The following CACNA1D variants were observed in gnomAD, a reference collection of about 807,000 sequenced individuals.
CACNA1D encodes the protein voltage-dependent L-type calcium channel subunit alpha-1D.
CACNA1D carries 55 observed loss-of-function variants against 257.1 expected under a neutral mutation model. That is an observed-to-expected ratio of 0.21 (90% CI 0.17 to 0.27). CACNA1D has a LOEUF of 0.27. Ranked by LOEUF, CACNA1D falls within the 10% of genes least tolerant of loss-of-function variation. The pLI is 1.00. For synonymous variants in CACNA1D, 980 were observed against 1,014.9 expected, an observed-to-expected ratio of 0.97 and a Z score of 0.65; for missense variants, 1,876 against 2,784.0, an observed-to-expected ratio of 0.67 and a Z score of 7.34.
intron 8 of CACNA1D, among the ~76,000 whole-genome samples, chr3:53,681,336 G>T (rs569209635): frequency 6.6e-6 from 1 of 152,340 alleles, no homozygotes; most frequent in South Asian, 2.1e-4. Flanking sequence ...TTGTTCCACA[G>T]CTCTCTGGAA....
intron 46 of CACNA1D, chr3:53,809,473 G>A (rs2095584852): frequency 4.7e-6 from 1 of 210,874 alleles, no homozygotes; most frequent in South Asian, 8.9e-5. Flanking sequence ...TGAACCCCAA[G>A]GTGCATCTGC....
chr3:53,524,286 A>G (rs2091683139), intron 3 of CACNA1D, among the ~76,000 whole-genome samples: 1 of 152,204 alleles, frequency 6.6e-6, no homozygotes, highest in South Asian at 2.1e-4. Context: ...CAGAGCAGGG[A>G]GAGGGCAAGC....
At chr3:53,513,323 CATT>C (rs2091197648) in intron 3 of CACNA1D, among the ~76,000 whole-genome samples, 1 of 152,192 alleles carries the variant, frequency 6.6e-6, no homozygotes, top group Non-Finnish European at 1.5e-5. Context: ...GCCTTTGTAA[CATT>C]GTAGCACAAT....
chr3:53,653,028 A>G (rs2094113136), intron 4 of CACNA1D, among the ~76,000 whole-genome samples: 1 of 152,178 alleles, frequency 6.6e-6, no homozygotes, highest in Non-Finnish European at 1.5e-5. Context: ...AGGTGGGTGG[A>G]TCACCTGAGG....
chr3:53,639,749 T>C (rs2093928287), intron 3 of CACNA1D, among the ~76,000 whole-genome samples: 1 of 152,138 alleles, frequency 6.6e-6, no homozygotes, highest in Admixed American at 6.5e-5. Context: ...AAAGCTTTTC[T>C]TTATCTCTGT....
intron 7 of CACNA1D, among the ~76,000 whole-genome samples, chr3:53,671,636 T>C (rs1250926662): frequency 6.6e-6 from 1 of 152,252 alleles, no homozygotes; most frequent in East Asian, 1.9e-4. Context: ...CAGACTGATA[T>C]GAGTTCTATT....
rs1196149559 is a variant in CACNA1D at position 53,808,523 on chromosome 3, T to G, written c.5750-126T>G. On this transcript the variant is annotated intron_variant, in intron 45 of 47. Coordinates refer to ENST00000350061, the MANE Select transcript of CACNA1D (RefSeq NM_001128840.3). ...TGGAGACCTCACTACCTAATCTTTC[T>G]CTTGGACAAACCGCATGCTTCTTCC... 8.5e-6 allele frequency: 10 copies of G among 1,176,004 alleles called. No individual in the cohort carries two copies. The South Asian group carries it at 1.1e-4, about 13-fold the overall frequency. The allele number at this position is 1,176,004 out of a possible 1,614,324, so 72.8% of individuals were successfully genotyped here. A position where few individuals can be genotyped will look rare whatever the true frequency, so the allele number is the denominator to read the frequency against.
At chr3:53,674,492 C>T (rs539956686) in intron 8 of CACNA1D, among the ~76,000 whole-genome samples, 28 of 152,314 alleles carry the variant, frequency 1.8e-4, no homozygotes, top group Middle Eastern at 3.4e-3. Context: ...CATTCAGTCA[C>T]GATTTTTGAA....
chr3:53,670,609 T>C (rs2094313428), intron 7 of CACNA1D, among the ~76,000 whole-genome samples: 1 of 152,188 alleles, frequency 6.6e-6, no homozygotes, highest in Non-Finnish European at 1.5e-5. Flanking sequence ...CCTCCCAAAG[T>C]GTTGGGATTG....
At chr3:53,703,700 G>C (rs987519666) in intron 9 of CACNA1D, among the ~76,000 whole-genome samples, 1 of 152,226 alleles carries the variant, frequency 6.6e-6, no homozygotes, top group African/African-American at 2.4e-5. Context: ...CCGGCCCTAC[G>C]TTGTAGAAGA....
At chr3:53,548,346 A>G (rs1282633130) in intron 3 of CACNA1D, among the ~76,000 whole-genome samples, 1 of 134,470 alleles carries the variant, frequency 7.4e-6, no homozygotes, top group Admixed American at 7.8e-5. Context: ...ATTGTAAGCA[A>G]CAAAGCTTTT....
At chr3:53,585,501 A>G (rs2093199569) in intron 3 of CACNA1D, among the ~76,000 whole-genome samples, 2 of 152,240 alleles carry the variant, frequency 1.3e-5, no homozygotes, top group African/African-American at 2.4e-5. Flanking sequence ...ATCTCAAAGC[A>G]GGTTGACCTA....
At chr3:53,688,160 C>T (rs2094489642) in intron 8 of CACNA1D, among the ~76,000 whole-genome samples, 1 of 152,146 alleles carries the variant, frequency 6.6e-6, no homozygotes, top group African/African-American at 2.4e-5. Context: ...TCATAGTAGC[C>T]CCTGTGGGGC....
chr3:53,646,670 C>G (rs2680657), intron 3 of CACNA1D, among the ~76,000 whole-genome samples: 2 of 152,018 alleles, frequency 1.3e-5, no homozygotes, highest in African/African-American at 4.8e-5. Context: ...TTCCCAAAGC[C>G]TTGGGGCACA....
intron 20 of CACNA1D, among the ~76,000 whole-genome samples, chr3:53,738,112 G>A (rs1192864390): frequency 1.3e-5 from 2 of 152,202 alleles, no homozygotes; most frequent in Non-Finnish European, 2.9e-5. Flanking sequence ...GCTGGCGAGT[G>A]TGCAAGCATC....
At chr3:53,543,986 C>T (rs765247478) in intron 3 of CACNA1D, among the ~76,000 whole-genome samples, 14 of 152,208 alleles carry the variant, frequency 9.2e-5, no homozygotes, top group Non-Finnish European at 1.8e-4. Context: ...GTGTTTCCTT[C>T]GTTTGTGTTT....
intron 45 of CACNA1D, among the ~76,000 whole-genome samples, chr3:53,806,421 C>T (rs989434354): frequency 3.9e-5 from 6 of 152,158 alleles, no homozygotes; most frequent in Non-Finnish European, 5.9e-5. Context: ...CCCTCTGCAG[C>T]GGTGGGTGGC....
At chr3:53,745,603 G>A (rs768826044) in intron 23 of CACNA1D, 21 bp from the exon 24 acceptor site, 13 of 1,535,746 alleles carry the variant, frequency 8.5e-6, no homozygotes, top group Admixed American at 1.7e-5. Context: ...GAAGAGTCAC[G>A]CCCCTCTGCC....
intron 40 of CACNA1D, among the ~76,000 whole-genome samples, chr3:53,799,350 G>T (rs570052298): frequency 6.6e-4 from 101 of 152,326 alleles, no homozygotes; most frequent in Non-Finnish European, 1.3e-3. Context: ...AAGCATCTTG[G>T]AATGCTTCCC....
Sources: gnomAD v4.1 joint callset for allele counts (sites outside exome capture counted in the v4.1 genomes callset) on GRCh38, gnomAD v4.1.1 for gene constraint, MANE v1.5 for transcripts, NCBI Gene and HGNC (gene_info 2026-07-23, HGNC 2026-07-21) for gene names.